TCF20: variants seen among roughly 807,000 people sequenced by gnomAD.
TCF20 encodes the protein transcription factor 20.
TCF20 carries 3 observed loss-of-function variants against 148.6 expected under a neutral mutation model. The ratio of observed to expected loss-of-function variants is 0.02; its 90% confidence interval spans 0.01 to 0.05. The LOEUF is 0.05. Ranked by LOEUF, TCF20 falls within the 10% of genes least tolerant of loss-of-function variation. The pLI, the probability that TCF20 is intolerant of heterozygous loss-of-function variation, is 1.00. For missense variants in TCF20, 2,350 were observed against 2,429.3 expected (o/e 0.97, Z 0.69); for synonymous variants, 1,049 against 909.5 (o/e 1.15, Z -2.76).
intron 1 of TCF20, among the ~76,000 whole-genome samples, chr22:42,309,493 T>C (rs2147040384): frequency 6.6e-6 from 1 of 151,406 alleles, no homozygotes; most frequent in Admixed American, 6.6e-5. Flanking sequence ...CCTCCTTTAC[T>C]GCTCCCCTTC....
intron 1 of TCF20, among the ~76,000 whole-genome samples, chr22:42,241,405 A>G (rs1167609262): frequency 6.6e-6 from 1 of 152,258 alleles, no homozygotes; most frequent in East Asian, 1.9e-4. Context: ...AGGAAATAAA[A>G]GCGAAGTTTG....
intron 2 of TCF20, among the ~76,000 whole-genome samples, chr22:42,196,754 TGA>T (rs56984362): frequency 0.069 from 10,488 of 152,172 alleles, 868 homozygotes; most frequent in East Asian, 0.45. Context: ...AGCTGCTCCG[TGA>T]GAAACACATA....
Position 42,214,943 on chromosome 22 carries a change from G to C in TCF20, c.363C>G (p.Pro121=), listed in dbSNP as rs767194660. Residue 121 remains proline, a synonymous_variant, in exon 2 of 6, where the codon CCC becomes CCG. Transcript: ENST00000677622. ...ACTGATTGCCAAAGCTGCTCCCCTG[G>C]GGGGGTCCATAGCTCTGCACAGGCC... ...PSGPVQSYGP[P]QGSSFGNQYG... 6.2e-6 allele frequency: 10 copies of C among 1,614,214 alleles called. No homozygotes were observed. Among genetic ancestry groups the C allele is most frequent in the South Asian group, 1.1e-5 (1 of 91,084 alleles).
At chr22:42,302,009 G>C (rs1446628344) in intron 1 of TCF20, among the ~76,000 whole-genome samples, 2 of 152,214 alleles carry the variant, frequency 1.3e-5, no homozygotes, top group East Asian at 3.8e-4. Context: ...CCTCTTGGAG[G>C]AGCTGGGAGA....
At chr22:42,251,875 T>G (rs1398037867) in intron 1 of TCF20, among the ~76,000 whole-genome samples, 1 of 152,114 alleles carries the variant, frequency 6.6e-6, no homozygotes, top group Non-Finnish European at 1.5e-5. Flanking sequence ...TTCGATATTT[T>G]GGGATTTCAG....
chr22:42,221,236 C>G (rs767098077), intron 1 of TCF20, among the ~76,000 whole-genome samples: 70 of 152,292 alleles, frequency 4.6e-4, no homozygotes, highest in African/African-American at 1.5e-3. Flanking sequence ...CATGAGCTCA[C>G]GAGAACCATT....
At chr22:42,303,639 G>A (rs757723488) in intron 1 of TCF20, among the ~76,000 whole-genome samples, 2 of 152,228 alleles carry the variant, frequency 1.3e-5, no homozygotes, top group African/African-American at 4.8e-5. Flanking sequence ...CCAGCCAGGT[G>A]AAGGAGCCAC....
intron 1 of TCF20, chr22:42,276,864 C>T (rs1425651893): frequency 6.6e-6 from 1 of 152,162 alleles, no homozygotes; most frequent in Non-Finnish European, 1.5e-5. Flanking sequence ...GTGAATTCTC[C>T]AACTCTTAAC....
At chr22:42,207,647 G>A (rs867342851) in intron 2 of TCF20, among the ~76,000 whole-genome samples, 9 of 152,062 alleles carry the variant, frequency 5.9e-5, no homozygotes, top group Admixed American at 6.6e-5. Flanking sequence ...GAAACCTCAT[G>A]TCTTCTAAAA....
At chr22:42,306,026 T>C (rs1017167742) in intron 1 of TCF20, among the ~76,000 whole-genome samples, 1 of 152,170 alleles carries the variant, frequency 6.6e-6, no homozygotes, top group African/African-American at 2.4e-5. Flanking sequence ...ATCTCCCAGA[T>C]CTGGTGAGGC....
Position 42,256,615 on chromosome 22 carries a change from T to TA in TCF20, c.-37+13723dup, listed in dbSNP as rs755300423. ...TTTCAACAAGAGAAGATGAAAATCC[T>TA]ATTCCTGCTATATTTAAACTCACAT... On this transcript the variant is annotated intron_variant, in intron 1 of 5. Transcript: ENST00000677622. Among the ~76,000 whole-genome samples, 7 of 152,302 alleles carry TA rather than the reference T, an allele frequency of 4.6e-5. No individual in the cohort carries two copies. The South Asian group carries it at 1.2e-3, about 27-fold the overall frequency.
At chr22:42,293,173 G>C (rs561659380) in intron 1 of TCF20, among the ~76,000 whole-genome samples, 11 of 152,232 alleles carry the variant, frequency 7.2e-5, no homozygotes, top group African/African-American at 2.6e-4. Context: ...CTCGAATAGG[G>C]GGAAGATCCA....
intron 2 of TCF20, among the ~76,000 whole-genome samples, chr22:42,185,365 G>A (rs1172681621): frequency 6.6e-6 from 1 of 152,150 alleles, no homozygotes; most frequent in Non-Finnish European, 1.5e-5. Context: ...GCACACCATA[G>A]GCACTGTAAA....
At chr22:42,331,013 G>A (rs1176996188) in intron 1 of TCF20, among the ~76,000 whole-genome samples, 1 of 152,138 alleles carries the variant, frequency 6.6e-6, no homozygotes, top group Non-Finnish European at 1.5e-5. Context: ...GTCATCCATC[G>A]AGCAGGTGGC....
At chr22:42,313,722 C>T (rs1020940634) in intron 1 of TCF20, among the ~76,000 whole-genome samples, 24 of 152,100 alleles carry the variant, frequency 1.6e-4, no homozygotes, top group African/African-American at 5.3e-4. Flanking sequence ...GCCTCAGCCT[C>T]CCGAGTAGCT....
rs998743637 is a variant in TCF20 at position 42,213,808 on chromosome 22, T to C, written c.1498A>G (p.Asn500Asp). ...SSSKKADSCT[N>D]SEGSSQPEEQ... ...TCAGGTTGTGAGGAGCCTTCAGAAT[T>C]TGTGCAGCTATCTGCTTTCTTGGAA... is the stretch of plus-strand genomic sequence containing the variant. The change falls in exon 2 of 6, where the codon AAT (asparagine) becomes GAT (aspartate). Residue 500 changes from asparagine (N) to aspartate (D), a missense_variant. By Grantham distance (23) the Asn-to-Asp change is conservative (BLOSUM62 1). Coordinates refer to ENST00000677622, the MANE Select transcript of TCF20 (RefSeq NM_001378418.1). 6.8e-6 allele frequency: 11 copies of C among 1,614,066 alleles called. No homozygotes were observed. The highest frequency in any genetic ancestry group is 4.5e-5 in the East Asian group (2 of 44,890).
chr22:42,204,754 A>G (rs903862197), intron 2 of TCF20, among the ~76,000 whole-genome samples: 1 of 152,168 alleles, frequency 6.6e-6, no homozygotes, highest in Admixed American at 6.5e-5. Flanking sequence ...CTGAGGCAGG[A>G]GAGTCACTTG....
At position 42,214,969 on chromosome 22, in the gene TCF20, C is replaced by A; in HGVS notation, c.337G>T (p.Gly113Trp). The change falls in exon 2 of 6, where the codon GGG (glycine) becomes TGG (tryptophan). Residue 113 changes from glycine (G) to tryptophan (W), a missense_variant. This residue lies in a region of TCF20 where 1,641 missense variants were observed against 1,662.6 expected (regional missense o/e 0.99). Coordinates refer to ENST00000677622, the MANE Select transcript of TCF20 (RefSeq NM_001378418.1). ...GGGGGTCCATAGCTCTGCACAGGCC[C>A]AGAAGGCCTTCGCTGAGGAGGCTGT... ...TPQPPQRRPS[G>W]PVQSYGPPQG... The A allele has an allele frequency of 6.2e-7, 1 of 1,614,230 alleles. No individual in the cohort carries two copies. Among genetic ancestry groups the A allele is most frequent in the Non-Finnish European group, 8.5e-7 (1 of 1,180,026 alleles).
intron 2 of TCF20, among the ~76,000 whole-genome samples, chr22:42,202,259 C>G (rs563251495): frequency 6.6e-6 from 1 of 152,308 alleles, no homozygotes; most frequent in Admixed American, 6.5e-5. Context: ...CATCTGAGGG[C>G]GGTCACCAGT....
Sources: gnomAD v4.1 joint callset for allele counts (sites outside exome capture counted in the v4.1 genomes callset) on GRCh38, gnomAD v4.1.1 for gene constraint, gnomAD v4.1.1 regional missense constraint, MANE v1.5 for transcripts, NCBI Gene and HGNC (gene_info 2026-07-23, HGNC 2026-07-21) for gene names.